LRRC28: variants seen among roughly 807,000 people sequenced by gnomAD.
LRRC28 encodes leucine-rich repeat-containing protein 28.
LRRC28 carries 39 observed loss-of-function variants against 45.7 expected under a neutral mutation model. The ratio of observed to expected loss-of-function variants is 0.85; its 90% CI spans 0.66 to 1.12. The LOEUF (loss-of-function observed/expected upper bound fraction) is 1.12, where lower values mean the gene tolerates loss of function less well. LRRC28 is among the 50% of genes most tolerant of loss of function. The pLI is 0.00. For synonymous variants in LRRC28, 206 were observed against 178.8 expected (o/e 1.15, Z -1.22); for missense variants, 435 against 438.5 (o/e 0.99, Z 0.07).
At chr15:99,265,544 G>C (rs2081309878) in intron 2 of LRRC28, among the ~76,000 whole-genome samples, 1 of 152,164 alleles carries the variant, frequency 6.6e-6, no homozygotes, top group East Asian at 1.9e-4. Context: ...CTGAGGTAGA[G>C]CCTTACAACC....
rs146471085 is a variant in LRRC28, at chr15:99,349,591, CTT to C, written c.593-2775_593-2774del. On this transcript the variant is annotated intron_variant, in intron 6 of 9. Coordinates refer to ENST00000301981, the MANE Select transcript of LRRC28 (RefSeq NM_144598.5). ...ATTTAGAAAAAGATAAATTGGAAGACTTTTCAGAATTTTGCATGACAAAAATA... is the reference window on the plus strand; with the variant it reads ...ATTTAGAAAAAGATAAATTGGAAGACTTCAGAATTTTGCATGACAAAAATA... Among the ~76,000 whole-genome samples the C allele has an allele frequency of 6.7e-3, 1,014 of 152,214 alleles. 10 individuals carry two copies. Among genetic ancestry groups the C allele is most frequent in the African/African-American group, 0.024 (987 of 41,544 alleles).
chr15:99,327,664 G>A (rs976722526), intron 5 of LRRC28, among the ~76,000 whole-genome samples: 2 of 151,884 alleles, frequency 1.3e-5, no homozygotes, highest in Non-Finnish European at 2.9e-5. Context: ...TCTTTTTAAA[G>A]AACTAACTTT....
intron 5 of LRRC28, among the ~76,000 whole-genome samples, chr15:99,322,881 A>G (rs1038408679): frequency 6.6e-6 from 1 of 152,192 alleles, no homozygotes; most frequent in Non-Finnish European, 1.5e-5. Context: ...TTACTATTCA[A>G]CTTTGTGGAA....
Position 99,281,947 on chromosome 15 carries a change from A to G in LRRC28, c.210-5310A>G, listed in dbSNP as rs137994252. On this transcript the variant is annotated intron_variant, in intron 3 of 9. Coordinates refer to ENST00000301981, the MANE Select transcript of LRRC28 (RefSeq NM_144598.5). ...TTTTCAGGTGCTTTTTGCCTGGAGT[A>G]CCTTTTATTTTTCTTCTATTATTTT... is the stretch of plus-strand genomic sequence containing the variant. Among the ~76,000 whole-genome samples the G allele has an allele frequency of 2.2e-3, 334 of 151,986 alleles. 4 individuals carry two copies. Among genetic ancestry groups the G allele is most frequent in the African/African-American group, 7.5e-3 (309 of 41,454 alleles).
At chr15:99,298,917 C>T (rs899262559) in intron 5 of LRRC28, among the ~76,000 whole-genome samples, 3 of 152,296 alleles carry the variant, frequency 2.0e-5, no homozygotes, top group African/African-American at 4.8e-5. Context: ...CCATGTTAGC[C>T]AGGCTGGTCT....
intron 5 of LRRC28, among the ~76,000 whole-genome samples, chr15:99,314,675 C>T (rs1017659284): frequency 3.9e-5 from 6 of 152,072 alleles, no homozygotes; most frequent in Non-Finnish European, 7.4e-5. Context: ...TGTTTGGGTA[C>T]GTAAACTGCT....
intron 9 of LRRC28, among the ~76,000 whole-genome samples, chr15:99,368,940 C>G (rs747845501): frequency 6.6e-6 from 1 of 152,160 alleles, no homozygotes; most frequent in Non-Finnish European, 1.5e-5. Context: ...GCTGTGCCTT[C>G]AACACTTTGC....
Position 99,387,082 on chromosome 15 carries a change from A to C in LRRC28, c.*980A>C, listed in dbSNP as rs998046869. On this transcript the variant is annotated 3_prime_UTR_variant, in exon 10 of 10. Coordinates refer to ENST00000301981, the MANE Select transcript of LRRC28 (RefSeq NM_144598.5). Reference sequence around the variant, plus strand: ...CTGGTTTTTTTTTGTTGTTGTTGAGACGGAGTCTCGCTCTGTCGCCCAGGC... The same window carrying C: ...CTGGTTTTTTTTTGTTGTTGTTGAGCCGGAGTCTCGCTCTGTCGCCCAGGC... 6.6e-6 allele frequency: 1 copy of C among 151,592 alleles called. No homozygotes were observed. Among genetic ancestry groups the C allele is most frequent in the African/African-American group, 2.4e-5 (1 of 41,188 alleles). The allele number at this position is 151,592 out of a possible 1,614,324, so 9.4% of individuals were successfully genotyped here.
At chr15:99,328,193 T>A (rs1184241096) in intron 5 of LRRC28, among the ~76,000 whole-genome samples, 5 of 152,238 alleles carry the variant, frequency 3.3e-5, no homozygotes, top group Non-Finnish European at 7.3e-5. Flanking sequence ...AGTGTTCTTC[T>A]TAGATGTCAA....
intron 2 of LRRC28, chr15:99,259,924 C>G (rs916946263): frequency 1.4e-6 from 1 of 696,014 alleles, no homozygotes; most frequent in African/African-American, 1.8e-5. Context: ...CAGCAGAAGA[C>G]AAAGAGCAAG....
intron 2 of LRRC28, among the ~76,000 whole-genome samples, chr15:99,272,786 A>C (rs901279967): frequency 6.6e-6 from 1 of 152,246 alleles, no homozygotes; most frequent in Admixed American, 6.5e-5. Context: ...ATCTGAGTAC[A>C]TGTTATGTTT....
intron 5 of LRRC28, among the ~76,000 whole-genome samples, chr15:99,306,585 C>A (rs760869416): frequency 6.6e-6 from 1 of 152,092 alleles, no homozygotes; most frequent in Non-Finnish European, 1.5e-5. Context: ...TTGTTAAATT[C>A]TTTTATGTAT....
chr15:99,361,394 C>T lies in LRRC28; in HGVS notation c.754C>T (p.Arg252Ter), dbSNP rs773400802. Residue 252 changes from arginine (R) to a stop codon, truncating the protein, a stop_gained, in exon 8 of 10, where the codon CGA becomes TGA. Coordinates refer to ENST00000301981, the MANE Select transcript of LRRC28 (RefSeq NM_144598.5). LOFTEE classifies it high-confidence loss of function. ...VKLLSFSSGQ[R>*]TVFLPAEVKA... ...GCTGCTTTCCTTTTCATCAGGGCAG[C>T]GAACCGTTTTCCTCCCAGCTGAGGT... The T allele has an allele frequency of 3.7e-6, 6 of 1,613,866 alleles. No homozygotes were observed. Among genetic ancestry groups the T allele is most frequent in the South Asian group, 2.2e-5 (2 of 91,058 alleles).
chr15:99,354,743 TTTAAGGAGGTAA>T (rs1288727713), intron 7 of LRRC28, among the ~76,000 whole-genome samples: 3 of 152,182 alleles, frequency 2.0e-5, no homozygotes, highest in Non-Finnish European at 4.4e-5. Context: ...ACTAGTTCTC[TTTAAGGAGGTAA>T]TATTTAATCT....
At chr15:99,339,952 A>G (rs1031226914) in intron 6 of LRRC28, among the ~76,000 whole-genome samples, 2 of 152,232 alleles carry the variant, frequency 1.3e-5, no homozygotes, top group African/African-American at 4.8e-5. Context: ...GACTTGTGCT[A>G]CATAATGAAA....
At chr15:99,273,519 G>C (rs999015641) in intron 2 of LRRC28, among the ~76,000 whole-genome samples, 5 of 152,022 alleles carry the variant, frequency 3.3e-5, no homozygotes, top group East Asian at 3.9e-4. Context: ...TTACAGGCGT[G>C]AGCCACCGTG....
chr15:99,290,163 A>G (rs1460549420), intron 5 of LRRC28, among the ~76,000 whole-genome samples: 1 of 150,990 alleles, frequency 6.6e-6, no homozygotes, highest in South Asian at 2.1e-4. Flanking sequence ...GGAGGCTGAA[A>G]CAGGAGAACT....
At chr15:99,311,174 A>G (rs1337489404) in intron 5 of LRRC28, among the ~76,000 whole-genome samples, 1 of 152,124 alleles carries the variant, frequency 6.6e-6, no homozygotes, top group Non-Finnish European at 1.5e-5. Flanking sequence ...TGTCTTGGGG[A>G]CATGGAATAA....
rs1322306402 is a variant in LRRC28 at position 99,349,919 on chromosome 15, G to A, written c.593-2450G>A. Among the ~76,000 whole-genome samples, 7 of 151,938 alleles carry A rather than the reference G, an allele frequency of 4.6e-5. No individual in the cohort carries two copies. In the South Asian group the frequency reaches 1.5e-3, roughly 32 times the overall value. ...TGGGAGGCCGAGGCGGGTGGATCATGAGGTCAGGAGATCGAGACCATCCTG... is the reference window on the plus strand; with the variant it reads ...TGGGAGGCCGAGGCGGGTGGATCATAAGGTCAGGAGATCGAGACCATCCTG... On this transcript the variant is annotated intron_variant, in intron 6 of 9. Transcript: ENST00000301981.
Sources: allele counts gnomAD v4.1 joint callset (sites outside exome capture counted in the v4.1 genomes callset), GRCh38; gene constraint gnomAD v4.1.1; transcripts MANE v1.5; gene names NCBI Gene and HGNC (gene_info 2026-07-23, HGNC 2026-07-21).